The following FKTN variants were observed in gnomAD, a reference collection of about 807,000 sequenced individuals.
FKTN encodes fukutin.
FKTN carries 47 observed loss-of-function variants against 58.6 expected under a neutral mutation model. The observed-to-expected ratio is 0.80, with a 90% CI of 0.63 to 1.02. The LOEUF (loss-of-function observed/expected upper bound fraction) is 1.02, where lower values mean the gene tolerates loss of function less well. Ranked by LOEUF, FKTN falls within the 50% of genes least tolerant of loss-of-function variation. The pLI, the probability that FKTN is intolerant of heterozygous loss-of-function variation, is 0.00. For synonymous variants in FKTN, 178 were observed against 191.9 expected, an observed-to-expected ratio of 0.93 and a Z score of 0.60; for missense variants, 516 against 537.3, an observed-to-expected ratio of 0.96 and a Z score of 0.39.
chr9:105,565,654 C>A (rs12389882), intron 1 of FKTN, among the ~76,000 whole-genome samples: 37 of 152,192 alleles, frequency 2.4e-4, no homozygotes, highest in Admixed American at 2.2e-3. Context: ...TAAAGCAAGT[C>A]CTGTGTGACC....
intron 1 of FKTN, among the ~76,000 whole-genome samples, chr9:105,571,356 G>A (rs1840705770): frequency 6.6e-6 from 1 of 152,094 alleles, no homozygotes; most frequent in African/African-American, 2.4e-5. Context: ...CTAATGAAGC[G>A]GTAGTGCTAG....
chr9:105,625,710 A>G (rs899183785), intron 10 of FKTN, among the ~76,000 whole-genome samples: 5 of 152,184 alleles, frequency 3.3e-5, no homozygotes, highest in African/African-American at 9.7e-5. Context: ...AGAGCTAGAG[A>G]AAAATTAGGA....
At chr9:105,595,375 T>A (rs1826579271) in intron 3 of FKTN, among the ~76,000 whole-genome samples, 1 of 152,218 alleles carries the variant, frequency 6.6e-6, no homozygotes, top group South Asian at 2.1e-4. Context: ...AATTTGCTTA[T>A]CCCAAACTCA....
intron 4 of FKTN, among the ~76,000 whole-genome samples, chr9:105,597,307 C>T (rs924551255): frequency 6.6e-6 from 1 of 152,086 alleles, no homozygotes; most frequent in Non-Finnish European, 1.5e-5. Context: ...ATGTGGAACA[C>T]TTTAAATTAG....
At chr9:105,581,501 A>G (rs1389280912) in intron 3 of FKTN, among the ~76,000 whole-genome samples, 2 of 151,150 alleles carry the variant, frequency 1.3e-5, no homozygotes, top group African/African-American at 4.9e-5. Flanking sequence ...TCAGGGACCC[A>G]CTTGAGGAGG....
At chr9:105,575,889 G>C (rs1385086277) in intron 3 of FKTN, among the ~76,000 whole-genome samples, 1 of 152,178 alleles carries the variant, frequency 6.6e-6, no homozygotes. Flanking sequence ...GGCTTGACCA[G>C]TAGAATGTTA....
intron 4 of FKTN, among the ~76,000 whole-genome samples, chr9:105,597,556 C>T (rs1038619425): frequency 6.6e-6 from 1 of 152,008 alleles, no homozygotes; most frequent in Non-Finnish European, 1.5e-5. Flanking sequence ...AGTTATACTA[C>T]CCAGTCACAG....
chr9:105,618,225 G>A, intron 9 of FKTN, 133 bp downstream of exon 9: 1 of 796,044 alleles, frequency 1.3e-6, no homozygotes, highest in Non-Finnish European at 2.2e-6. Flanking sequence ...GATGAGTTCA[G>A]CAGAAGCCTG....
At chr9:105,620,775 ATAGTAGTAG>A (rs58977246) in intron 10 of FKTN, among the ~76,000 whole-genome samples, 120 of 145,434 alleles carry the variant, frequency 8.3e-4, no homozygotes, top group South Asian at 4.3e-3. Context: ...TAATACTACT[ATAGTAGTAG>A]TAGTAGTAGT....
intron 10 of FKTN, among the ~76,000 whole-genome samples, chr9:105,631,005 C>T (rs144786403): frequency 1.1e-4 from 17 of 152,044 alleles, no homozygotes; most frequent in Admixed American, 4.6e-4. Context: ...TGGTGGTGTG[C>T]GCCTGTAATC....
intron 1 of FKTN, among the ~76,000 whole-genome samples, chr9:105,564,669 C>T (rs957085989): frequency 5.9e-5 from 9 of 152,208 alleles, no homozygotes; most frequent in South Asian, 2.1e-4. Context: ...AATCTGCGTC[C>T]GATTGGTGTA....
chr9:105,615,861 A>G (rs1830709032), intron 8 of FKTN, among the ~76,000 whole-genome samples: 1 of 152,224 alleles, frequency 6.6e-6, no homozygotes. Flanking sequence ...AATTTTAACA[A>G]TACTATAATA....
At chr9:105,595,187 G>A (rs747155924) in intron 3 of FKTN, among the ~76,000 whole-genome samples, 1 of 152,138 alleles carries the variant, frequency 6.6e-6, no homozygotes, top group Non-Finnish European at 1.5e-5. Context: ...GGAAAGGGGA[G>A]TGGCTGTTAA....
At chr9:105,606,304 A>C (rs1324286030) in intron 6 of FKTN, among the ~76,000 whole-genome samples, 1 of 152,024 alleles carries the variant, frequency 6.6e-6, no homozygotes, top group Non-Finnish European at 1.5e-5. Context: ...TTTTAAAACC[A>C]TGTGCAAAAA....
chr9:105,620,141 A>G, intron 10 of FKTN, 80 bp downstream of exon 10: 1 of 1,268,696 alleles, frequency 7.9e-7, no homozygotes, highest in Non-Finnish European at 1.1e-6. Flanking sequence ...GTAACTGAAA[A>G]GAAAACCAAA....
chr9:105,604,309 G>A lies in FKTN; in HGVS notation c.464G>A (p.Gly155Glu). ...PRLDGIDSLS[G>E]TEIPLHYICK... The stretch of plus-strand genomic sequence containing the variant: ...CTAGACGGGATAGACTCACTCTCTG[G>A]AACTGAAATCCCCCTGCACTATATC... Residue 155 changes from glycine (G) to glutamate (E), a missense_variant, in exon 6 of 11, where the codon GGA (glycine) becomes GAA (glutamate). By Grantham distance (98) the Gly-to-Glu change is moderately conservative (BLOSUM62 -2). Coordinates refer to ENST00000357998, the MANE Select transcript of FKTN (RefSeq NM_001079802.2). 2 of 1,613,972 alleles carry A rather than the reference G, an allele frequency of 1.2e-6. No homozygotes were observed. The highest frequency in any genetic ancestry group is 1.7e-6 in the Non-Finnish European group (2 of 1,179,980).
In FKTN at chr9:105,601,334, C is replaced by T. The variant is rs1554751390; in HGVS notation, c.355C>T (p.Leu119=). Residue 119 remains leucine (L), a synonymous_variant, in exon 5 of 11, where the codon CTA becomes TTA. Transcript: ENST00000357998. The part of the protein sequence containing the change: ...DFTAFALQYH[L]WKNEEGWFRI... The stretch of plus-strand genomic sequence containing the variant: ...TACTGCATTTGCACTGCAGTATCAC[C>T]TATGGAAGAATGAGGTAAGTGACTT... 2 of 1,604,626 alleles carry T rather than the reference C, an allele frequency of 1.2e-6. No homozygotes were observed. Among genetic ancestry groups the T allele is most frequent in the Admixed American group, 1.7e-5 (1 of 60,006 alleles).
intron 7 of FKTN, among the ~76,000 whole-genome samples, chr9:105,608,879 A>G (rs1158487800): frequency 6.6e-5 from 10 of 152,242 alleles, no homozygotes; most frequent in Admixed American, 6.5e-4. Context: ...GGCCTACTCT[A>G]GTAGAAAAGT....
In FKTN at chr9:105,637,309, A is replaced by T. The variant is rs1474653339; in HGVS notation, c.*2045A>T. 2 of 985,326 alleles carry T rather than the reference A, an allele frequency of 2.0e-6. No individual in the cohort carries two copies. Among genetic ancestry groups the T allele is most frequent in the Non-Finnish European group, 2.4e-6 (2 of 829,948 alleles). The allele number at this position is 985,326 out of a possible 1,614,324, so 61.0% of individuals were successfully genotyped here. A position where few individuals can be genotyped will look rare whatever the true frequency, so the allele number is the denominator to read the frequency against. ...AATCTTTTATCCTTTCCTGAAGTAC[A>T]AAGTCTTAAGAGTGTCTGAAATCCA... On this transcript the variant is annotated 3_prime_UTR_variant, in exon 11 of 11. Transcript: ENST00000357998.
Sources: gnomAD v4.1 joint callset for allele counts (sites outside exome capture counted in the v4.1 genomes callset) on GRCh38, gnomAD v4.1.1 for gene constraint, MANE v1.5 for transcripts, NCBI Gene and HGNC (gene_info 2026-07-23, HGNC 2026-07-21) for gene names.